The following PHTF1 variants were observed in gnomAD, a reference collection of about 807,000 sequenced individuals.
PHTF1 encodes putative homeodomain transcription factor 1.
In PHTF1, 88 loss-of-function variants were observed where a neutral mutation model predicts 102.4. The observed-to-expected ratio is 0.86, with a 90% confidence interval of 0.72 to 1.03. The LOEUF (loss-of-function observed/expected upper bound fraction) is 1.03, where lower values mean the gene tolerates loss of function less well. PHTF1 is among the 50% of genes least tolerant of loss of function. The pLI is 0.00. For synonymous variants in PHTF1, 289 were observed against 305.2 expected (o/e 0.95, Z 0.55); for missense variants, 814 against 909.5 (o/e 0.89, Z 1.35).
intron 3 of PHTF1, among the ~76,000 whole-genome samples, chr1:113,747,441 T>C (rs192309065): frequency 5.3e-5 from 8 of 152,296 alleles, no homozygotes; most frequent in Admixed American, 3.9e-4. Context: ...TCTATATCAA[T>C]TTTCTGTCCT....
At chr1:113,730,369 T>C (rs544445504) in intron 5 of PHTF1, among the ~76,000 whole-genome samples, 3 of 152,252 alleles carry the variant, frequency 2.0e-5, no homozygotes, top group Non-Finnish European at 4.4e-5. Context: ...AAAGAATATA[T>C]AAGTAAAATC....
In PHTF1 at chr1:113,705,905, C is replaced by T. The variant is rs373775926; in HGVS notation, c.1656G>A (p.Glu552=). 8.7e-6 allele frequency: 14 copies of T among 1,613,668 alleles called. No homozygotes were observed. The African/African-American group carries it at 1.7e-4, about 20-fold the overall frequency. The change falls in exon 13 of 19, where the codon GAG becomes GAA. Residue 552 remains glutamate (E), a synonymous_variant. Coordinates refer to ENST00000369604, the MANE Select transcript of PHTF1 (RefSeq NM_001323043.2). ...CTCCACTGACCTGTTTATATGTTCT[C>T]TCTGCCACACACATCATGAAAAAAA... ...WMFFFMMCVA[E]RTYKQRFLFA...
At chr1:113,726,621 AAAATT>A (rs1193573592) in intron 5 of PHTF1, 47 bp from the exon 6 acceptor site, 1 of 1,158,902 alleles carries the variant, frequency 8.6e-7, no homozygotes, top group Non-Finnish European at 1.2e-6. Context: ...GCTCTTCTTT[AAAATT>A]AATTCTAAAA....
Position 113,712,129 on chromosome 1 carries a change from CA to C in PHTF1, c.784-17del. ...TAAAAGCCTCCTACAAAGAGAACAG[CA>C]ATACCTTCACAGGGGACAGCCCAAA... is the stretch of plus-strand genomic sequence containing the variant. On this transcript the variant is annotated splice_polypyrimidine_tract_variant and intron_variant, in intron 8 of 18. Transcript: ENST00000369604. 1 of 1,608,860 alleles carries C rather than the reference CA, an allele frequency of 6.2e-7. No homozygotes were observed. The highest frequency in any genetic ancestry group is 8.5e-7 in the Non-Finnish European group (1 of 1,175,740).
chr1:113,750,018 A>G (rs1335352692), intron 3 of PHTF1, among the ~76,000 whole-genome samples: 1 of 151,684 alleles, frequency 6.6e-6, no homozygotes, highest in African/African-American at 2.4e-5. Context: ...TTTTCAGGAC[A>G]GGGTCTTGCT....
chr1:113,714,598 T>G (rs1651674347), intron 7 of PHTF1: 1 of 152,322 alleles, frequency 6.6e-6, no homozygotes, highest in Non-Finnish European at 1.5e-5. Context: ...GGTTTGGGTG[T>G]GAGCTCAGCT....
In PHTF1 at chr1:113,698,254, ATACT is replaced by A. The variant is rs765659412; in HGVS notation, c.2268+4_2268+7del. On this transcript the variant is annotated splice_donor_5th_base_variant and intron_variant, in intron 18 of 18. Coordinates refer to ENST00000369604, the MANE Select transcript of PHTF1 (RefSeq NM_001323043.2). The stretch of plus-strand genomic sequence containing the variant: ...ACTAGGATGCTACAGAGTGGTGGTG[ATACT>A]TACTCTTATATTAAATCCTAGAAGA... 27 of 1,600,196 alleles carry A rather than the reference ATACT, an allele frequency of 1.7e-5. No individual in the cohort carries two copies. Among genetic ancestry groups the A allele is most frequent in the African/African-American group, 4.0e-5 (3 of 74,528 alleles).
upstream of PHTF1, among the ~76,000 whole-genome samples, chr1:113,759,887 ATGTT>A (rs1659449874): frequency 6.6e-6 from 1 of 152,186 alleles, no homozygotes; most frequent in Non-Finnish European, 1.5e-5. Flanking sequence ...TAGGTTCCCA[ATGTT>A]TGTTGAGCGA....
Position 113,757,738 on chromosome 1 carries a change from CT to C in PHTF1, c.62del (p.Gln21ArgfsTer16). ...WYQKKIGAYD[Q>X]QIWEKSIEQT... ...GTTCGATTGACTTTTCCCATATCTGCTGATCGTAGGCTCCAATCTGAAAGAG... is the reference window on the plus strand; with the variant it reads ...GTTCGATTGACTTTTCCCATATCTGCGATCGTAGGCTCCAATCTGAAAGAG... On this transcript the variant is annotated frameshift_variant, in exon 3 of 19. Coordinates refer to ENST00000369604, the MANE Select transcript of PHTF1 (RefSeq NM_001323043.2). LOFTEE classifies it high-confidence loss of function. The C allele has an allele frequency of 1.2e-6, 2 of 1,606,352 alleles. No homozygotes were observed. The highest frequency in any genetic ancestry group is 1.7e-6 in the Non-Finnish European group (2 of 1,172,970).
intron 3 of PHTF1, among the ~76,000 whole-genome samples, chr1:113,739,810 G>A (rs1291685553): frequency 2.0e-5 from 3 of 152,110 alleles, no homozygotes; most frequent in Non-Finnish European, 4.4e-5. Flanking sequence ...TAGCTTCCAT[G>A]TATGTGTGAG....
intron 2 of PHTF1, among the ~76,000 whole-genome samples, chr1:113,757,985 A>C (rs1020109094): frequency 1.3e-5 from 2 of 152,202 alleles, no homozygotes; most frequent in Admixed American, 6.5e-5. Context: ...TTTCAAATTA[A>C]TATTACCTTA....
At chr1:113,712,445 A>G (rs573022349) in intron 8 of PHTF1, among the ~76,000 whole-genome samples, 1 of 152,356 alleles carries the variant, frequency 6.6e-6, no homozygotes, top group South Asian at 2.1e-4. Context: ...CTCATCTAAA[A>G]AGAAATTATA....
At position 113,712,872 on chromosome 1, in the gene PHTF1, C is replaced by T. The variant is rs545899991; in HGVS notation, c.783+407G>A. Reference sequence around the variant, plus strand: ...CGCGATCTCGGCTCACTGCAAGCTCCACCTCCCAGGTTCATGCCATGCCAT... The same window carrying T: ...CGCGATCTCGGCTCACTGCAAGCTCTACCTCCCAGGTTCATGCCATGCCAT... On this transcript the variant is annotated intron_variant, in intron 8 of 18. Coordinates refer to ENST00000369604, the MANE Select transcript of PHTF1 (RefSeq NM_001323043.2). 1.7e-4 allele frequency among the ~76,000 whole-genome samples: 26 copies of T among 151,874 alleles called. 2 individuals carry two copies. In the South Asian group the frequency reaches 4.8e-3, roughly 28 times the overall value.
At position 113,749,185 on chromosome 1, in the gene PHTF1, C is replaced by T. The variant is rs112439973; in HGVS notation, c.102+8514G>A. On this transcript the variant is annotated intron_variant, in intron 3 of 18. Coordinates refer to ENST00000369604, the MANE Select transcript of PHTF1 (RefSeq NM_001323043.2). Reference sequence around the variant, plus strand: ...AAGGTAGTAATTATATCTTTAAAAACACTGTTTTTATGATTCCTGCATTGC... The same window carrying T: ...AAGGTAGTAATTATATCTTTAAAAATACTGTTTTTATGATTCCTGCATTGC... Among the ~76,000 whole-genome samples the T allele has an allele frequency of 1.9e-3, 295 of 152,224 alleles. 1 individual carries two copies. The highest frequency in any genetic ancestry group is 2.7e-3 in the Non-Finnish European group (185 of 68,014).
chr1:113,699,519 G>T, intron 17 of PHTF1, 185 bp downstream of exon 17: 1 of 656,848 alleles, frequency 1.5e-6, no homozygotes, highest in South Asian at 1.6e-5. Context: ...TTGCCTCCAG[G>T]AGCTCTGTGA....
intron 15 of PHTF1, among the ~76,000 whole-genome samples, chr1:113,702,695 G>A (rs1649589705): frequency 6.6e-6 from 1 of 152,110 alleles, no homozygotes; most frequent in South Asian, 2.1e-4. Flanking sequence ...GCAACCATAA[G>A]AGGAAATGCT....
chr1:113,758,336 T>C (rs1040771453), intron 2 of PHTF1, among the ~76,000 whole-genome samples: 4 of 151,590 alleles, frequency 2.6e-5, no homozygotes, highest in Admixed American at 1.3e-4. Flanking sequence ...TTGTTGATAG[T>C]ATCAATCTGA....
chr1:113,747,139 G>A lies in PHTF1; in HGVS notation c.103-8340C>T, dbSNP rs916125233. ...TAATGATTACAGCATCACCAAACAC[G>A]CACGCCCTCCTGAACTATAGTTTTT... On this transcript the variant is annotated intron_variant, in intron 3 of 18. Transcript: ENST00000369604. Among the ~76,000 whole-genome samples, 5 of 152,242 alleles carry A rather than the reference G, an allele frequency of 3.3e-5. No homozygotes were observed. In the East Asian group the frequency reaches 5.8e-4, roughly 18 times the overall value.
At chr1:113,726,291 C>T (rs1653816722) in intron 6 of PHTF1, 127 bp downstream of exon 6, 6 of 739,884 alleles carry the variant, frequency 8.1e-6, no homozygotes, top group South Asian at 1.8e-5. Context: ...GTAATGCATT[C>T]ATTTTCTAAG....
Sources: allele counts gnomAD v4.1 joint callset (sites outside exome capture counted in the v4.1 genomes callset), GRCh38; gene constraint gnomAD v4.1.1; transcripts MANE v1.5; gene names NCBI Gene and HGNC (gene_info 2026-07-23, HGNC 2026-07-21).